The following KDM5A variants were observed in gnomAD, a reference collection of about 807,000 sequenced individuals.
KDM5A encodes lysine-specific demethylase 5A.
Under a neutral mutation model 193.5 loss-of-function variants are expected in KDM5A, and 42 were observed. That is an observed-to-expected ratio of 0.22 (90% CI 0.17 to 0.28). The LOEUF (loss-of-function observed/expected upper bound fraction) is 0.28, where lower values mean the gene tolerates loss of function less well. Among genes scored for constraint, KDM5A ranks in the 10% least tolerant of loss-of-function variants. The probability of loss-of-function intolerance (pLI) is 1.00; values close to 1 mark genes in which losing one functional copy is unlikely to be tolerated. For missense variants in KDM5A, 1,692 were observed against 2,055.1 expected (o/e 0.82, Z 3.42); for synonymous variants, 796 against 718.1 (o/e 1.11, Z -1.73).
intron 11 of KDM5A, among the ~76,000 whole-genome samples, 188 bp downstream of exon 11, chr12:334,053 T>C (rs1053549919): frequency 6.6e-6 from 1 of 152,180 alleles, no homozygotes; most frequent in African/African-American, 2.4e-5. Context: ...AAGTCAGTGC[T>C]CTCTAGGATA....
At position 291,251 on chromosome 12, in the gene KDM5A, T is replaced by C. The variant is rs375562490; in HGVS notation, c.4866+1508A>G. Among the ~76,000 whole-genome samples, 7 of 152,332 alleles carry C rather than the reference T, an allele frequency of 4.6e-5. No homozygotes were observed. The East Asian group carries it at 1.3e-3, about 29-fold the overall frequency. ...ACTAAAATATTTATAGCTGTCTGCC[T>C]TGGAAGATTAGACTATAGGATATAT... On this transcript the variant is annotated intron_variant, in intron 27 of 27. Transcript: ENST00000399788.
intron 13 of KDM5A, 69 bp downstream of exon 13, chr12:331,750 G>A: frequency 6.3e-7 from 1 of 1,578,838 alleles, no homozygotes; most frequent in Non-Finnish European, 8.7e-7. Flanking sequence ...AGCAAATATG[G>A]CAACTAAGCT....
intron 14 of KDM5A, among the ~76,000 whole-genome samples, chr12:326,879 A>G (rs1943795150): frequency 1.3e-5 from 2 of 150,090 alleles, no homozygotes; most frequent in African/African-American, 4.9e-5. Context: ...AAAAAAAAAA[A>G]AAAAAAAAAA....
At chr12:331,351 C>G (rs1211479119) in intron 13 of KDM5A, among the ~76,000 whole-genome samples, 1 of 152,140 alleles carries the variant, frequency 6.6e-6, no homozygotes, top group Admixed American at 6.5e-5. Context: ...TCTTCAATGG[C>G]AAAAGCCACT....
At chr12:298,179 C>T (rs1943397857) in intron 24 of KDM5A, among the ~76,000 whole-genome samples, 1 of 152,228 alleles carries the variant, frequency 6.6e-6, no homozygotes, top group South Asian at 2.1e-4. Context: ...TCTCCCAGCA[C>T]AGCATTCGAG....
At position 307,801 on chromosome 12, in the gene KDM5A, T is replaced by A. The variant is rs774538890; in HGVS notation, c.3583A>T (p.Ser1195Cys). 6.2e-7 allele frequency: 1 copy of A among 1,614,186 alleles called. No individual in the cohort carries two copies. Among genetic ancestry groups the A allele is most frequent in the Non-Finnish European group, 8.5e-7 (1 of 1,180,030 alleles). The change falls in exon 23 of 28, where the codon AGT (serine) becomes TGT (cysteine). Residue 1195 changes from serine (S) to cysteine (C), a missense_variant. By Grantham distance (112) the Ser-to-Cys change is moderately radical. This residue lies in a region of KDM5A where 965 missense variants were observed against 1,061.0 expected (regional missense o/e 0.91). Coordinates refer to ENST00000399788, the MANE Select transcript of KDM5A (RefSeq NM_001042603.3). The surrounding 1 kb of genome is among the most constrained non-coding windows in gnomAD (Gnocchi z 4.3). Reference protein sequence around the residue: ...HNSCVPLPKSSSQKKGSSWQA... With the variant: ...HNSCVPLPKSCSQKKGSSWQA... The stretch of plus-strand genomic sequence containing the variant: ...CAGCTGGATCCTTTTTTTTGGGAAC[T>A]TGATTTAGGAAGAGGAACACAGCTG...
chr12:373,758 C>T (rs907970213), intron 3 of KDM5A, among the ~76,000 whole-genome samples: 1 of 152,116 alleles, frequency 6.6e-6, no homozygotes, highest in African/African-American at 2.4e-5. Flanking sequence ...TGAATGTGTC[C>T]CAGACATTCT....
chr12:355,267 CACAAT>C lies in KDM5A; in HGVS notation c.779-23_779-19del, dbSNP rs760763355. The stretch of plus-strand genomic sequence containing the variant: ...GACCTCATCTTGAAATAAAAAGTTA[CACAAT>C]AATAGTAAAAACCAATGTTGAGAGC... On this transcript the variant is annotated intron_variant, in intron 6 of 27. Transcript: ENST00000399788. 40 of 1,456,854 alleles carry C rather than the reference CACAAT, an allele frequency of 2.7e-5. No homozygotes were observed. The South Asian group carries it at 4.3e-4, about 16-fold the overall frequency. The allele number at this position is 1,456,854 out of a possible 1,614,324, so 90.2% of individuals were successfully genotyped here.
At chr12:330,262 C>T (rs190307272) in intron 13 of KDM5A, among the ~76,000 whole-genome samples, 1 of 151,986 alleles carries the variant, frequency 6.6e-6, no homozygotes, top group East Asian at 1.9e-4. Flanking sequence ...TGTGAGGAAG[C>T]CACATAAAAT....
rs1412220977 is a variant in KDM5A, at chr12:282,175, G to T, written c.*3281C>A. ...GCTTAGCCTCTGTCCTTTAAAAAAA[G>T]AGAGAGACAGACAGACACATGGGGT... is the stretch of plus-strand genomic sequence containing the variant. On this transcript the variant is annotated 3_prime_UTR_variant, in exon 28 of 28. Coordinates refer to ENST00000399788, the MANE Select transcript of KDM5A (RefSeq NM_001042603.3). 2 of 252,394 alleles carry T rather than the reference G, an allele frequency of 7.9e-6. No individual in the cohort carries two copies. The highest frequency in any genetic ancestry group is 4.4e-5 in the African/African-American group (2 of 45,566). 15.6% of individuals were successfully genotyped at this position (252,394 alleles called of 1,614,324 possible).
chr12:293,745 C>G (rs569269973), intron 26 of KDM5A, among the ~76,000 whole-genome samples: 37 of 136,556 alleles, frequency 2.7e-4, no homozygotes, highest in Non-Finnish European at 2.7e-4. Flanking sequence ...ATCCACTGCA[C>G]TCCAGCCTGA....
At chr12:348,857 T>A (rs1351299913) in intron 10 of KDM5A, among the ~76,000 whole-genome samples, 1 of 151,384 alleles carries the variant, frequency 6.6e-6, no homozygotes, top group Non-Finnish European at 1.5e-5. Flanking sequence ...TGTATACCTA[T>A]GTATGAAACC....
At position 298,885 on chromosome 12, in the gene KDM5A, C is replaced by T. The variant is rs575037561; in HGVS notation, c.4075-1685G>A. On this transcript the variant is annotated intron_variant, in intron 24 of 27. Transcript: ENST00000399788. ...ACTGATGGAGCTGAAAAACACAGCA[C>T]GAGAACTTCGTGAAGCATACACAAG... Among the ~76,000 whole-genome samples, 14 of 151,880 alleles carry T rather than the reference C, an allele frequency of 9.2e-5. No homozygotes were observed. The East Asian group carries it at 1.8e-3, about 19-fold the overall frequency.
Position 307,437 on chromosome 12 carries a change from G to C in KDM5A, c.3930+17C>G. On this transcript the variant is annotated intron_variant, in intron 23 of 27. Transcript: ENST00000399788. The surrounding 1 kb of genome is among the most constrained non-coding windows in gnomAD (Gnocchi z 4.3). ...ATATCCCATGAAATAGAAAAAGAAT[G>C]TAAATCCTAAACTTGCCTGTAAGTC... is the stretch of plus-strand genomic sequence containing the variant. 1 of 1,610,046 alleles carries C rather than the reference G, an allele frequency of 6.2e-7. No individual in the cohort carries two copies. Among genetic ancestry groups the C allele is most frequent in the African/African-American group, 1.3e-5 (1 of 74,926 alleles).
chr12:313,172 A>T lies in KDM5A; in HGVS notation c.2920T>A (p.Leu974Ile). 2 of 1,614,130 alleles carry T rather than the reference A, an allele frequency of 1.2e-6. No individual in the cohort carries two copies. Among genetic ancestry groups the T allele is most frequent in the South Asian group, 1.1e-5 (1 of 91,080 alleles). The change falls in exon 20 of 28, where the codon TTA (leucine) becomes ATA (isoleucine). Residue 974 changes from leucine to isoleucine, a missense_variant. This residue lies in a region of KDM5A where 965 missense variants were observed against 1,061.0 expected (regional missense o/e 0.91). Coordinates refer to ENST00000399788, the MANE Select transcript of KDM5A (RefSeq NM_001042603.3). ...QARPRHSVAS[L>I]ESIVNEAKNI... is the part of the protein sequence containing the mutation. ...TTGGCTTCATTCACAATGCTTTCTA[A>T]ACTTGCCACACTGTGCCTCGGTCTA...
rs1944146451 is a variant in KDM5A at position 350,713 on chromosome 12, T to C, written c.1216A>G (p.Ile406Val). Residue 406 changes from isoleucine (I) to valine (V), a missense_variant, in exon 10 of 28, where the codon ATT (isoleucine) becomes GTT (valine). Transcript: ENST00000399788. ...GAGATATCTGCTCCATATTCCACAATAACATCTTCTTCAATGCTGCTTACC... is the reference window on the plus strand; with the variant it reads ...GAGATATCTGCTCCATATTCCACAACAACATCTTCTTCAATGCTGCTTACC... ...RLVSSIEEDVIVEYGADISSK... is the reference protein window; with the variant it reads ...RLVSSIEEDVVVEYGADISSK... 6.2e-7 allele frequency: 1 copy of C among 1,613,918 alleles called. No individual in the cohort carries two copies. Among genetic ancestry groups the C allele is most frequent in the Admixed American group, 1.7e-5 (1 of 59,982 alleles).
At chr12:359,723 C>G (rs1178038111) in intron 5 of KDM5A, among the ~76,000 whole-genome samples, 1 of 111,470 alleles carries the variant, frequency 9.0e-6, no homozygotes, top group African/African-American at 3.5e-5. Flanking sequence ...GCCTGGGTGA[C>G]AGAGCCACAC....
chr12:380,768 T>C (rs1005069104), intron 3 of KDM5A, among the ~76,000 whole-genome samples: 5 of 151,982 alleles, frequency 3.3e-5, no homozygotes, highest in East Asian at 1.9e-4. Context: ...CTACAACATA[T>C]TGCTATTAAT....
At chr12:351,088 T>C (rs1160989417) in intron 9 of KDM5A, among the ~76,000 whole-genome samples, 1 of 152,006 alleles carries the variant, frequency 6.6e-6, no homozygotes, top group African/African-American at 2.4e-5. Context: ...AAGATTAAAT[T>C]TTTTTAATAG....
Sources: allele counts gnomAD v4.1 joint callset (sites outside exome capture counted in the v4.1 genomes callset), GRCh38; gene constraint gnomAD v4.1.1; regional missense constraint gnomAD v4.1.1; non-coding constraint Gnocchi (gnomAD v3.1); transcripts MANE v1.5; gene names NCBI Gene and HGNC (gene_info 2026-07-23, HGNC 2026-07-21).